Variants in AKAP9 observed in about 807,000 individuals in gnomAD.
The protein encoded by AKAP9 is A-kinase anchoring protein 9.
In AKAP9, 311 loss-of-function variants were observed where a neutral mutation model predicts 488.5. That is an observed-to-expected ratio of 0.64 (90% CI 0.58 to 0.70). AKAP9 has a LOEUF of 0.70. Ranked by LOEUF, AKAP9 falls within the 30% of genes least tolerant of loss-of-function variation. The pLI, the probability that AKAP9 is intolerant of heterozygous loss-of-function variation, is 0.00. For missense variants in AKAP9, 4,215 were observed against 4,374.5 expected (o/e 0.96, Z 1.03); for synonymous variants, 1,462 against 1,483.5 (o/e 0.99, Z 0.33).
intron 1 of AKAP9, among the ~76,000 whole-genome samples, chr7:91,959,600 A>G (rs895709342): frequency 6.6e-6 from 1 of 152,240 alleles, no homozygotes; most frequent in African/African-American, 2.4e-5. Flanking sequence ...TTATTTTCCA[A>G]CAAACATTTG....
chr7:92,032,607 C>T (rs1258945081), intron 16 of AKAP9, among the ~76,000 whole-genome samples: 2 of 151,492 alleles, frequency 1.3e-5, no homozygotes, highest in African/African-American at 4.9e-5. Flanking sequence ...GGAATATGTG[C>T]ATTTTAAAGG....
chr7:91,993,136 A>G (rs1797972477), intron 5 of AKAP9, 81 bp downstream of exon 5: 11 of 1,479,806 alleles, frequency 7.4e-6, no homozygotes, highest in East Asian at 2.3e-5. Flanking sequence ...GTCTTTAAAG[A>G]TGGGGTTTTT....
At chr7:91,966,477 C>G (rs566734303) in intron 1 of AKAP9, among the ~76,000 whole-genome samples, 1 of 152,252 alleles carries the variant, frequency 6.6e-6, no homozygotes, top group Admixed American at 6.5e-5. Flanking sequence ...ATGGTCTATT[C>G]TGGAGAATGT....
chr7:91,965,114 C>T (rs1198387139), intron 1 of AKAP9, among the ~76,000 whole-genome samples: 1 of 152,048 alleles, frequency 6.6e-6, no homozygotes, highest in Non-Finnish European at 1.5e-5. Flanking sequence ...GTCACCCTAC[C>T]AATCTATCAA....
intron 3 of AKAP9, among the ~76,000 whole-genome samples, chr7:91,981,603 C>CTTTTTTTTTTTTTTTTTTTT (rs532220900): frequency 9.4e-6 from 1 of 106,640 alleles, no homozygotes; most frequent in Non-Finnish European, 1.9e-5. Context: ...TCTTGTATTT[C>CTTTTTTTTTTTTTTTTTTTT]TTTTTTTTTT....
rs12534339 is a variant in AKAP9, at chr7:92,016,889, A to G, written c.3752-128A>G. On this transcript the variant is annotated intron_variant, in intron 11 of 49. Coordinates refer to ENST00000356239, the MANE Select transcript of AKAP9 (RefSeq NM_005751.5). Reference sequence around the variant, plus strand: ...ATGAATGAGATTTCAATTTTCAGTTACTAAATATCTGAGGTTTACTTCTAG... The same window carrying G: ...ATGAATGAGATTTCAATTTTCAGTTGCTAAATATCTGAGGTTTACTTCTAG... 0.013 allele frequency: 8,642 copies of G among 663,988 alleles called. 315 individuals are homozygous for G. Among genetic ancestry groups the G allele is most frequent in the East Asian group, 0.093 (3,293 of 35,442 alleles). 41.1% of individuals were successfully genotyped at this position (663,988 alleles called of 1,614,324 possible).
At chr7:92,094,032 A>G (rs902069533) in intron 39 of AKAP9, among the ~76,000 whole-genome samples, 7 of 151,390 alleles carry the variant, frequency 4.6e-5, no homozygotes, top group Admixed American at 6.6e-5. Flanking sequence ...TGTATTTTCA[A>G]TAGAGACAGA....
intron 46 of AKAP9, among the ~76,000 whole-genome samples, chr7:92,105,002 T>C (rs1386344017): frequency 6.6e-6 from 1 of 152,146 alleles, no homozygotes; most frequent in East Asian, 1.9e-4. Flanking sequence ...AAGTTGTTAT[T>C]GACATACTTC....
At chr7:91,949,742 A>G (rs1791956900) in intron 1 of AKAP9, among the ~76,000 whole-genome samples, 1 of 152,188 alleles carries the variant, frequency 6.6e-6, no homozygotes, top group African/African-American at 2.4e-5. Context: ...GAGTATTCAA[A>G]AATTTAACAT....
chr7:92,065,205 T>C (rs1326792334), intron 24 of AKAP9, 26 bp from the exon 25 acceptor site: 2 of 1,405,842 alleles, frequency 1.4e-6, no homozygotes, highest in African/African-American at 2.9e-5. Context: ...GTGATTTAAT[T>C]CAGTATATTT....
chr7:91,963,347 G>T (rs1793971276), intron 1 of AKAP9, among the ~76,000 whole-genome samples: 1 of 152,038 alleles, frequency 6.6e-6, no homozygotes, highest in Non-Finnish European at 1.5e-5. Flanking sequence ...TATCCTACTA[G>T]GCTAGTGATT....
intron 37 of AKAP9, among the ~76,000 whole-genome samples, chr7:92,089,030 GAA>G: frequency 6.6e-6 from 1 of 152,068 alleles, no homozygotes; most frequent in African/African-American, 2.4e-5. Flanking sequence ...GAAAGACAAA[GAA>G]AGACTTGGGA....
At chr7:91,943,154 A>G (rs912798219) in intron 1 of AKAP9, among the ~76,000 whole-genome samples, 4 of 152,042 alleles carry the variant, frequency 2.6e-5, no homozygotes, top group Non-Finnish European at 5.9e-5. Flanking sequence ...AGCTATCATC[A>G]TGCTACTGCA....
At position 92,098,165 on chromosome 7, in the gene AKAP9, A is replaced by T. The variant is rs139046510; in HGVS notation, c.10664A>T (p.Asp3555Val). Residue 3555 changes from aspartate (D) to valine (V), a missense_variant, in exon 43 of 50, where the codon GAT (aspartate) becomes GTT (valine). Physicochemically the swap from Asp to Val is radical, Grantham distance 152. Around this residue, in one of 5 missense-constraint regions of AKAP9, gnomAD observed 1,476 missense variants for 1,477.4 expected, o/e 1.00. Coordinates refer to ENST00000356239, the MANE Select transcript of AKAP9 (RefSeq NM_005751.5). ...TTCATTTGGGTTCAGGAAAATATTG[A>T]TGAAATTATTTTACAACTACAGAAA... Reference protein sequence around the residue: ...EDFIWVQENIDEIILQLQKLT... With the variant: ...EDFIWVQENIVEIILQLQKLT... 1,883 of 1,612,836 alleles carry T rather than the reference A, an allele frequency of 1.2e-3. 1 individual carries two copies. Among genetic ancestry groups the T allele is most frequent in the Non-Finnish European group, 1.4e-3 (1,608 of 1,178,920 alleles).
intron 16 of AKAP9, among the ~76,000 whole-genome samples, chr7:92,036,646 G>A (rs1018009519): frequency 6.6e-6 from 1 of 151,858 alleles, no homozygotes; most frequent in Non-Finnish European, 1.5e-5. Context: ...TCATATCTCT[G>A]TTCTTCTCTT....
chr7:92,030,911 G>T (rs10488510), intron 15 of AKAP9, among the ~76,000 whole-genome samples: 68,445 of 151,934 alleles, frequency 0.45, 16,533 homozygotes, highest in African/African-American at 0.63. Context: ...TTAGAAAAAA[G>T]TAAGATCATC....
chr7:92,064,025 G>T (rs975005307), intron 24 of AKAP9, among the ~76,000 whole-genome samples: 1 of 151,974 alleles, frequency 6.6e-6, no homozygotes, highest in African/African-American at 2.4e-5. Context: ...CAGGTGATCC[G>T]CCCACCTCTG....
At chr7:92,063,348 A>G (rs11981461) in intron 24 of AKAP9, 151,166 of 420,286 alleles carry the variant, frequency 0.36, 27,833 homozygotes, top group African/African-American at 0.46. Context: ...AGTGTCTTCA[A>G]CTCTTGTTTT....
intron 1 of AKAP9, among the ~76,000 whole-genome samples, chr7:91,970,095 T>G (rs1443630066): frequency 6.6e-6 from 1 of 152,134 alleles, no homozygotes; most frequent in Non-Finnish European, 1.5e-5. Context: ...TTTGGCATTG[T>G]GGTCACCATG....
Sources: allele counts gnomAD v4.1 joint callset (sites outside exome capture counted in the v4.1 genomes callset), GRCh38; gene constraint gnomAD v4.1.1; regional missense constraint gnomAD v4.1.1; transcripts MANE v1.5; gene names NCBI Gene and HGNC (gene_info 2026-07-23, HGNC 2026-07-21).